Variants in CHD9 observed in about 807,000 individuals in gnomAD.
CHD9 encodes the protein ATP-dependent chromatin remodeler CHD9.
A neutral mutation model predicts 316.1 loss-of-function variants in CHD9; 77 were observed. The observed-to-expected ratio is 0.24, with a 90% CI of 0.20 to 0.29. The LOEUF (loss-of-function observed/expected upper bound fraction) is 0.29. Ranked by LOEUF, CHD9 falls within the 10% of genes least tolerant of loss-of-function variation. The pLI is 1.00. For missense variants in CHD9, 2,763 were observed against 3,438.1 expected (o/e 0.80, Z 4.91); for synonymous variants, 1,129 against 1,158.3 (o/e 0.97, Z 0.51).
At chr16:53,189,875 A>G (rs1052927328) in intron 2 of CHD9, among the ~76,000 whole-genome samples, 7 of 152,200 alleles carry the variant, frequency 4.6e-5, no homozygotes, top group African/African-American at 1.7e-4. Flanking sequence ...CGGAAAGCTA[A>G]TGTTGACAGT....
At chr16:53,197,080 G>A (rs1464400938) in intron 2 of CHD9, among the ~76,000 whole-genome samples, 1 of 152,162 alleles carries the variant, frequency 6.6e-6, no homozygotes, top group African/African-American at 2.4e-5. Context: ...TGTGATGAAT[G>A]TGTTAATTGT....
intron 2 of CHD9, among the ~76,000 whole-genome samples, chr16:53,208,943 TTCTCTAA>T: frequency 6.6e-6 from 1 of 152,306 alleles, no homozygotes; most frequent in Non-Finnish European, 1.5e-5. Context: ...AACTAAAACT[TTCTCTAA>T]TTTTAAGTAT....
At position 53,227,526 on chromosome 16, in the gene CHD9, A is replaced by G. The variant is rs371482097; in HGVS notation, c.2113-22A>G. The G allele has an allele frequency of 1.6e-5, 23 of 1,477,854 alleles. No homozygotes were observed. The East Asian group carries it at 4.3e-4, about 28-fold the overall frequency. 91.5% of individuals were successfully genotyped at this position (1,477,854 alleles called of 1,614,324 possible). A position where few individuals can be genotyped will look rare whatever the true frequency, so the allele number is the denominator to read the frequency against. Reference sequence around the variant, plus strand: ...CTGTGGCCTGTTTAAAAGAGTCACCATTACTGATTTTCTTTTCTTAGATAT... The same window carrying G: ...CTGTGGCCTGTTTAAAAGAGTCACCGTTACTGATTTTCTTTTCTTAGATAT... On this transcript the variant is annotated intron_variant, in intron 6 of 38. Coordinates refer to ENST00000447540, the MANE Select transcript of CHD9 (RefSeq NM_001308319.2).
At chr16:53,106,755 A>C (rs2037392721) in intron 1 of CHD9, among the ~76,000 whole-genome samples, 3 of 152,112 alleles carry the variant, frequency 2.0e-5, no homozygotes, top group South Asian at 2.1e-4. Context: ...CCCTACATCT[A>C]TTCTAGATTT....
intron 1 of CHD9, among the ~76,000 whole-genome samples, chr16:53,107,228 G>A (rs1472235837): frequency 6.6e-6 from 1 of 151,666 alleles, no homozygotes; most frequent in Non-Finnish European, 1.5e-5. Context: ...GGGAGGCCAA[G>A]GCGGGTGGAT....
At chr16:53,257,688 A>G (rs1030888260) in intron 19 of CHD9, among the ~76,000 whole-genome samples, 1 of 152,182 alleles carries the variant, frequency 6.6e-6, no homozygotes, top group African/African-American at 2.4e-5. Flanking sequence ...ACAGGATCCA[A>G]ATGGAGATGT....
intron 2 of CHD9, among the ~76,000 whole-genome samples, chr16:53,200,404 C>G (rs2045353806): frequency 6.7e-6 from 1 of 149,100 alleles, no homozygotes; most frequent in Admixed American, 6.7e-5. Context: ...CAAAAATTAG[C>G]CAGGCATGGT....
intron 1 of CHD9, among the ~76,000 whole-genome samples, chr16:53,107,218 G>A (rs925454551): frequency 2.6e-5 from 4 of 151,324 alleles, no homozygotes; most frequent in South Asian, 4.2e-4. Context: ...CCAGCACTTC[G>A]GGAGGCCAAG....
chr16:53,080,451 GTGTT>G (rs2034924259), intron 1 of CHD9, among the ~76,000 whole-genome samples: 1 of 152,200 alleles, frequency 6.6e-6, no homozygotes, highest in South Asian at 2.1e-4. Context: ...GGGGGAGACA[GTGTT>G]TGTCTAAACA....
chr16:53,145,624 T>G (rs1024534375), intron 1 of CHD9, among the ~76,000 whole-genome samples: 3 of 151,798 alleles, frequency 2.0e-5, no homozygotes, highest in Non-Finnish European at 4.4e-5. Flanking sequence ...GAGAATTGCT[T>G]GAACCCAGGA....
At chr16:53,313,392 G>A (rs142943163) in intron 34 of CHD9, among the ~76,000 whole-genome samples, 363 of 151,994 alleles carry the variant, frequency 2.4e-3, no homozygotes, top group Non-Finnish European at 4.1e-3. Context: ...AGCAACCTCC[G>A]CCTCCCGGAT....
Position 53,157,012 on chromosome 16 carries a change from G to A in CHD9, c.923G>A (p.Ser308Asn). 1.2e-6 allele frequency: 2 copies of A among 1,612,884 alleles called. No homozygotes were observed. The highest frequency in any genetic ancestry group is 1.7e-6 in the Non-Finnish European group (2 of 1,179,622). Residue 308 changes from serine (S) to asparagine (N), a missense_variant, in exon 2 of 39, where the codon AGT (serine) becomes AAT (asparagine). Coordinates refer to ENST00000447540, the MANE Select transcript of CHD9 (RefSeq NM_001308319.2). ...TNQTLSDFTG[S>N]NSFSPHRGIK... Reference sequence around the variant, plus strand: ...CAGACTTTATCTGATTTTACTGGAAGTAATTCCTTTTCACCTCATAGAGGA... The same window carrying A: ...CAGACTTTATCTGATTTTACTGGAAATAATTCCTTTTCACCTCATAGAGGA...
chr16:53,223,881 G>A (rs994819900), intron 4 of CHD9, among the ~76,000 whole-genome samples: 1 of 151,890 alleles, frequency 6.6e-6, no homozygotes, highest in Non-Finnish European at 1.5e-5. Flanking sequence ...TTTTAACCAC[G>A]TTGGAAACTA....
At chr16:53,146,767 C>T (rs2040661364) in intron 1 of CHD9, among the ~76,000 whole-genome samples, 1 of 149,312 alleles carries the variant, frequency 6.7e-6, no homozygotes, top group Admixed American at 6.7e-5. Context: ...CCACTGCACT[C>T]TAGCCTGGGG....
rs536836049 is a variant in CHD9, at chr16:53,065,716, G to A, written c.-165+10639G>A. Among the ~76,000 whole-genome samples, 5 of 150,814 alleles carry A rather than the reference G, an allele frequency of 3.3e-5. No individual in the cohort carries two copies. The South Asian group carries it at 8.4e-4, about 25-fold the overall frequency. ...CCTCTGAGCTGCCTGTAATACTCAA[G>A]GAGGTTTTCAGAGTTTCCACTACTC... On this transcript the variant is annotated intron_variant, in intron 1 of 38. Coordinates refer to ENST00000447540, the MANE Select transcript of CHD9 (RefSeq NM_001308319.2).
At chr16:53,182,837 A>T (rs756260860) in intron 2 of CHD9, among the ~76,000 whole-genome samples, 1 of 152,104 alleles carries the variant, frequency 6.6e-6, no homozygotes, top group Non-Finnish European at 1.5e-5. Context: ...TGTTTTAGAG[A>T]CTTACTTTTC....
Position 53,304,554 on chromosome 16 carries a change from C to G in CHD9, c.6548C>G (p.Ser2183Cys), listed in dbSNP as rs1471873596. Reference protein sequence around the residue: ...SASSSSSSSTSSSSSSSSSSS... With the variant: ...SASSSSSSSTCSSSSSSSSSS... ...TCTTCTTCATCCTCTTCCTCCACCT[C>G]TTCCTCCTCCTCCTCCTCTTCATCT... Residue 2183 changes from serine to cysteine, a missense_variant, in exon 31 of 39, where the codon TCT (serine) becomes TGT (cysteine). Transcript: ENST00000447540. 1 of 1,547,020 alleles carries G rather than the reference C, an allele frequency of 6.5e-7. No individual in the cohort carries two copies. The highest frequency in any genetic ancestry group is 1.4e-5 in the African/African-American group (1 of 72,930).
intron 1 of CHD9, among the ~76,000 whole-genome samples, chr16:53,106,069 C>G (rs1018154246): frequency 6.6e-6 from 1 of 152,134 alleles, no homozygotes; most frequent in African/African-American, 2.4e-5. Flanking sequence ...ATCTGCCCAC[C>G]TCAGCCTCCC....
At chr16:53,225,774 A>G (rs1238725849) in intron 4 of CHD9, among the ~76,000 whole-genome samples, 1 of 151,958 alleles carries the variant, frequency 6.6e-6, no homozygotes, top group Admixed American at 6.6e-5. Context: ...TAAATATTTT[A>G]TATTATGTTA....
Sources: gnomAD v4.1 joint callset for allele counts (sites outside exome capture counted in the v4.1 genomes callset) on GRCh38, gnomAD v4.1.1 for gene constraint, MANE v1.5 for transcripts, NCBI Gene and HGNC (gene_info 2026-07-23, HGNC 2026-07-21) for gene names.